MYT1: variants seen among roughly 807,000 people sequenced by gnomAD.
The protein encoded by MYT1 is myelin transcription factor I.
Under a neutral mutation model 123.0 loss-of-function variants are expected in MYT1, and 23 were observed. That is an observed-to-expected ratio of 0.19 (90% CI 0.13 to 0.26). MYT1 has a LOEUF of 0.26. MYT1 is among the 10% of genes least tolerant of loss of function. MYT1 has a pLI of 1.00. For synonymous variants in MYT1, 518 were observed against 575.3 expected, an observed-to-expected ratio of 0.90 and a Z score of 1.43; for missense variants, 1,125 against 1,472.5, an observed-to-expected ratio of 0.76 and a Z score of 3.86.
chr20:64,207,833 G>A lies in MYT1; in HGVS notation c.637G>A (p.Gly213Ser), dbSNP rs1983531157. 3.1e-6 allele frequency: 5 copies of A among 1,613,662 alleles called. No individual in the cohort carries two copies. Among genetic ancestry groups the A allele is most frequent in the East Asian group, 2.2e-5 (1 of 44,844 alleles). The change falls in exon 7 of 23, where the codon GGC (glycine) becomes AGC (serine). Residue 213 changes from glycine to serine, a missense_variant. Transcript: ENST00000328439. ...AGCTGCCAGCGAGGAGGGTGAAAAGGGCCTCTTCATCCAGCCAGAGGATGC... is the reference window on the plus strand; with the variant it reads ...AGCTGCCAGCGAGGAGGGTGAAAAGAGCCTCTTCATCCAGCCAGAGGATGC... ...EGAASEEGEK[G>S]LFIQPEDAEE... is the part of the protein sequence containing the mutation.
At chr20:64,181,733 G>A (rs1243123821) in intron 1 of MYT1, among the ~76,000 whole-genome samples, 2 of 152,226 alleles carry the variant, frequency 1.3e-5, no homozygotes, top group Non-Finnish European at 2.9e-5. Context: ...GGCCAGGAAA[G>A]GTCCCAGGAA....
rs1982938525 is a variant in MYT1 at position 64,190,597 on chromosome 20, C to T, written c.-1+437C>T. 6.7e-6 allele frequency among the ~76,000 whole-genome samples: 1 copy of T among 149,880 alleles called. No individual in the cohort carries two copies. The highest frequency in any genetic ancestry group is 2.0e-4 in the East Asian group (1 of 5,084). ...AGGATCCCAGCTAAGGTGGGAGGAT[C>T]ACTTGAGCCTGGGAAGTCAAGGCTG... On this transcript the variant is annotated intron_variant, in intron 2 of 22. Coordinates refer to ENST00000328439, the MANE Select transcript of MYT1 (RefSeq NM_004535.3). This position sits in a 1 kb window ranked among gnomAD's most constrained non-coding sequence, Gnocchi z 4.1.
chr20:64,239,495 A>C (rs1329821658), intron 21 of MYT1, among the ~76,000 whole-genome samples: 1 of 152,064 alleles, frequency 6.6e-6, no homozygotes. Context: ...CCATCTAGAA[A>C]GCATGGCACA....
Position 64,212,185 on chromosome 20 carries a change from TGG to T in MYT1, c.1517+48_1517+49del. On this transcript the variant is annotated intron_variant, in intron 9 of 22. Coordinates refer to ENST00000328439, the MANE Select transcript of MYT1 (RefSeq NM_004535.3). This position sits in a 1 kb window ranked among gnomAD's most constrained non-coding sequence, Gnocchi z 6.8. Reference sequence around the variant, plus strand: ...GTAGTGGGGGCCAGGGTGGGGGCCGTGGTGGGGGCCAGGGTGGGGGCCGTGGT... The same window carrying T: ...GTAGTGGGGGCCAGGGTGGGGGCCGTTGGGGGCCAGGGTGGGGGCCGTGGT... 1 of 407,396 alleles carries T rather than the reference TGG, an allele frequency of 2.5e-6. No homozygotes were observed. The highest frequency in any genetic ancestry group is 3.7e-6 in the Non-Finnish European group (1 of 269,310). 25.2% of individuals were successfully genotyped at this position (407,396 alleles called of 1,614,324 possible).
At position 64,203,132 on chromosome 20, in the gene MYT1, C is replaced by T. The variant is rs113950822; in HGVS notation, c.87-1903C>T. On this transcript the variant is annotated intron_variant, in intron 4 of 22. Coordinates refer to ENST00000328439, the MANE Select transcript of MYT1 (RefSeq NM_004535.3). The surrounding 1 kb of genome is among the most constrained non-coding windows in gnomAD (Gnocchi z 5.1). ...CGCTCCACGCACTTGGGCTCACAGC[C>T]GTGTCTCACACCCTCTGAGGCTGGG... is the stretch of plus-strand genomic sequence containing the variant. Among the ~76,000 whole-genome samples, 29 of 152,294 alleles carry T rather than the reference C, an allele frequency of 1.9e-4. 2 individuals carry two copies. The highest frequency in any genetic ancestry group is 5.8e-4 in the African/African-American group (24 of 41,558).
chr20:64,208,116 C>T lies in MYT1; in HGVS notation c.920C>T (p.Ala307Val). ...GAAGAGGAAGAGGAGGAGGAGGAGG[C>T]AGCTCCTGATGTGATCTTTCAGGAA... ...EEEEEEEEEE[A>V]APDVIFQEDT... The change falls in exon 7 of 23, where the codon GCA becomes GTA. Residue 307 changes from alanine to valine, a missense_variant. Transcript: ENST00000328439. This position sits in a 1 kb window ranked among gnomAD's most constrained non-coding sequence, Gnocchi z 5.4. 1 of 1,610,604 alleles carries T rather than the reference C, an allele frequency of 6.2e-7. No homozygotes were observed. Among genetic ancestry groups the T allele is most frequent in the Non-Finnish European group, 8.5e-7 (1 of 1,178,410 alleles).
rs1314608307 is a variant in MYT1 at position 64,185,150 on chromosome 20, C to T, written c.-98-4913C>T. On this transcript the variant is annotated intron_variant, in intron 1 of 22. Transcript: ENST00000328439. This position sits in a 1 kb window ranked among gnomAD's most constrained non-coding sequence, Gnocchi z 4.5. ...AGACTGTGTTTTTAAACATGGATGCCTCAAGCCAGTTGAAGAGTTGGGAAG... is the reference window on the plus strand; with the variant it reads ...AGACTGTGTTTTTAAACATGGATGCTTCAAGCCAGTTGAAGAGTTGGGAAG... Among the ~76,000 whole-genome samples, 2 of 152,156 alleles carry T rather than the reference C, an allele frequency of 1.3e-5. No individual in the cohort carries two copies. Among genetic ancestry groups the T allele is most frequent in the Admixed American group, 1.3e-4 (2 of 15,280 alleles).
intron 1 of MYT1, among the ~76,000 whole-genome samples, chr20:64,165,619 G>T (rs1169999073): frequency 6.6e-6 from 1 of 152,196 alleles, no homozygotes; most frequent in Non-Finnish European, 1.5e-5. Context: ...GGCTTTGCTT[G>T]TCTCAGCATC....
chr20:64,207,461 A>C (rs978411826), intron 6 of MYT1, 133 bp from the exon 7 acceptor site: 1 of 1,472,688 alleles, frequency 6.8e-7, no homozygotes, highest in African/African-American at 1.4e-5. Flanking sequence ...CTGGAGTTTC[A>C]TGTTTCCCCT....
At position 64,185,881 on chromosome 20, in the gene MYT1, A is replaced by G. The variant is rs1326541774; in HGVS notation, c.-98-4182A>G. 6.6e-6 allele frequency among the ~76,000 whole-genome samples: 1 copy of G among 152,146 alleles called. No individual in the cohort carries two copies. Among genetic ancestry groups the G allele is most frequent in the East Asian group, 1.9e-4 (1 of 5,188 alleles). On this transcript the variant is annotated intron_variant, in intron 1 of 22. Transcript: ENST00000328439. This position sits in a 1 kb window ranked among gnomAD's most constrained non-coding sequence, Gnocchi z 4.5. ...GGAAACCTTGGGGTAGGCCAGCAGC[A>G]CTTCCTGGGAAGAGCCCAGCAGAGC...
intron 1 of MYT1, among the ~76,000 whole-genome samples, chr20:64,165,745 T>G (rs867751155): frequency 7.9e-5 from 12 of 152,186 alleles, no homozygotes; most frequent in African/African-American, 2.7e-4. Context: ...GTCCTGGGCA[T>G]GGACTCTGTC....
chr20:64,214,022 A>G (rs368915437), intron 10 of MYT1, among the ~76,000 whole-genome samples: 7 of 152,236 alleles, frequency 4.6e-5, no homozygotes, highest in African/African-American at 1.4e-4. Context: ...TGGAAAGAGC[A>G]GACTGCACCA....
In MYT1 at chr20:64,213,600, G is replaced by T. The variant is rs1983747707; in HGVS notation, c.1584G>T (p.Gln528His). 6.2e-7 allele frequency: 1 copy of T among 1,614,046 alleles called. No homozygotes were observed. The highest frequency in any genetic ancestry group is 1.7e-5 in the Admixed American group (1 of 60,002). The stretch of plus-strand genomic sequence containing the variant: ...AATCCCATGAGAAGCAGCAGCCGCA[G>T]ACAGGAGATCCTTCCAAGAGTAGCT... ...LAKSHEKQQP[Q>H]TGDPSKSSSN... The change falls in exon 10 of 23, where the codon CAG (glutamine) becomes CAT (histidine). Residue 528 changes from glutamine (Q) to histidine (H), a missense_variant. Gln to His is a conservative substitution (Grantham distance 24). This residue lies in a region of MYT1 where 429 missense variants were observed against 604.1 expected (regional missense o/e 0.71). Transcript: ENST00000328439. This position sits in a 1 kb window ranked among gnomAD's most constrained non-coding sequence, Gnocchi z 5.6.
intron 19 of MYT1, among the ~76,000 whole-genome samples, chr20:64,235,832 C>T (rs1258823047): frequency 5.5e-5 from 5 of 90,682 alleles, no homozygotes; most frequent in Admixed American, 2.0e-4. Context: ...ACTGGGCTGG[C>T]TGTGGTGGGT....
rs1359512681 is a variant in MYT1 at position 64,203,384 on chromosome 20, G to C, written c.87-1651G>C. 6.6e-6 allele frequency among the ~76,000 whole-genome samples: 1 copy of C among 152,222 alleles called. No individual in the cohort carries two copies. Among genetic ancestry groups the C allele is most frequent in the African/African-American group, 2.4e-5 (1 of 41,456 alleles). On this transcript the variant is annotated intron_variant, in intron 4 of 22. Transcript: ENST00000328439. This position sits in a 1 kb window ranked among gnomAD's most constrained non-coding sequence, Gnocchi z 5.1. ...CTAGTTCTCCAAAGAGTGAAAGCAA[G>C]TGTGGGCCTGGATTTTAGAAGAGAC...
At chr20:64,219,182 GC>G in intron 12 of MYT1, 147 bp downstream of exon 12, 1 of 1,168,708 alleles carries the variant, frequency 8.6e-7, no homozygotes, top group Non-Finnish European at 1.2e-6. Flanking sequence ...CTCCCTCCTG[GC>G]CATGGCCCCA....
chr20:64,209,660 C>T (rs759739497), intron 7 of MYT1, among the ~76,000 whole-genome samples: 2 of 152,146 alleles, frequency 1.3e-5, no homozygotes, highest in East Asian at 1.9e-4. Context: ...GCAGGAGACA[C>T]GGAATTGCCA....
At position 64,208,215 on chromosome 20, in the gene MYT1, A is replaced by G; in HGVS notation, c.1019A>G (p.Tyr340Cys). The G allele has an allele frequency of 1.2e-6, 2 of 1,613,924 alleles. No homozygotes were observed. The highest frequency in any genetic ancestry group is 2.2e-5 in the South Asian group (2 of 91,066). ...GAATCACCCAGTCCCAAGCCTGAGTACTCTGTTATTGTGGAGGTCCGCTCG... is the reference window on the plus strand; with the variant it reads ...GAATCACCCAGTCCCAAGCCTGAGTGCTCTGTTATTGTGGAGGTCCGCTCG... ...GPESPSPKPE[Y>C]SVIVEVRSDD... The change falls in exon 7 of 23, where the codon TAC becomes TGC. Residue 340 changes from tyrosine (Y) to cysteine (C), a missense_variant. Tyr to Cys is a radical substitution (Grantham distance 194). Coordinates refer to ENST00000328439, the MANE Select transcript of MYT1 (RefSeq NM_004535.3). This position sits in a 1 kb window ranked among gnomAD's most constrained non-coding sequence, Gnocchi z 5.4.
intron 12 of MYT1, 89 bp from the exon 13 acceptor site, chr20:64,219,624 C>A: frequency 8.4e-7 from 1 of 1,195,142 alleles, no homozygotes; most frequent in Non-Finnish European, 1.2e-6. Context: ...AACCAGTGTT[C>A]TGGACTCTGT....
Sources: gnomAD v4.1 joint callset for allele counts (sites outside exome capture counted in the v4.1 genomes callset) on GRCh38, gnomAD v4.1.1 for gene constraint, gnomAD v4.1.1 regional missense constraint, Gnocchi (gnomAD v3.1) non-coding constraint, MANE v1.5 for transcripts, NCBI Gene and HGNC (gene_info 2026-07-23, HGNC 2026-07-21) for gene names.